GFPT1: variants seen among roughly 807,000 people sequenced by gnomAD.
GFPT1 encodes the protein glutamine--fructose-6-phosphate transaminase 1, also known as glutamine--fructose-6-phosphate aminotransferase [isomerizing] 1.
In GFPT1, 40 loss-of-function variants were observed where a neutral mutation model predicts 92.0. The ratio of observed to expected loss-of-function variants is 0.43; its 90% CI spans 0.34 to 0.57. The LOEUF is 0.57. Ranked by LOEUF, GFPT1 falls within the 20% of genes least tolerant of loss-of-function variation. The probability of loss-of-function intolerance (pLI) is 0.02; values close to 1 mark genes in which losing one functional copy is unlikely to be tolerated. For missense variants in GFPT1, 448 were observed against 869.1 expected (o/e 0.52, Z 6.09); for synonymous variants, 269 against 280.6 (o/e 0.96, Z 0.41).
rs76007542 is a variant in GFPT1, at chr2:69,339,399, G to A, written c.1204-834C>T. On this transcript the variant is annotated intron_variant, in intron 13 of 19. Coordinates refer to ENST00000357308, the MANE Select transcript of GFPT1 (RefSeq NM_001244710.2). ...TTCAACTTTTGTGGCATGGGGCAGGGGGAATGAAGTAGGGAGCAGTATGCC... is the reference window on the plus strand; with the variant it reads ...TTCAACTTTTGTGGCATGGGGCAGGAGGAATGAAGTAGGGAGCAGTATGCC... Among the ~76,000 whole-genome samples the A allele has an allele frequency of 4.9e-3, 743 of 152,240 alleles. 5 individuals carry two copies. The highest frequency in any genetic ancestry group is 0.017 in the African/African-American group (712 of 41,550).
chr2:69,377,550 C>T (rs1424649161), intron 1 of GFPT1, among the ~76,000 whole-genome samples: 2 of 151,148 alleles, frequency 1.3e-5, no homozygotes, highest in East Asian at 1.9e-4. Context: ...GTCTCAGCTA[C>T]TCGGGAGGCT....
At chr2:69,355,393 GT>G (rs397819110) in intron 7 of GFPT1, among the ~76,000 whole-genome samples, 7 of 119,836 alleles carry the variant, frequency 5.8e-5, no homozygotes, top group Non-Finnish European at 1.0e-4. Flanking sequence ...CAGGTTTTTG[GT>G]TTTTTTTTAA....
chr2:69,331,923 G>A (rs1293528333), intron 15 of GFPT1, among the ~76,000 whole-genome samples: 4 of 151,788 alleles, frequency 2.6e-5, no homozygotes, highest in Non-Finnish European at 2.9e-5. Flanking sequence ...TTTTCTCATC[G>A]TGGACTGACC....
chr2:69,342,270 C>T (rs1670971007), intron 12 of GFPT1, 21 bp from the exon 13 acceptor site: 4 of 1,446,828 alleles, frequency 2.8e-6, no homozygotes, highest in Non-Finnish European at 3.9e-6. Flanking sequence ...AGTTTGTGTA[C>T]ATAATTATTT....
intron 10 of GFPT1, among the ~76,000 whole-genome samples, chr2:69,349,720 A>G (rs557659078): frequency 4.6e-5 from 7 of 152,324 alleles, no homozygotes; most frequent in Non-Finnish European, 8.8e-5. Flanking sequence ...TTTAGCAACT[A>G]TGCTATAACT....
At chr2:69,341,998 G>A (rs1450133634) in intron 13 of GFPT1, among the ~76,000 whole-genome samples, 154 bp downstream of exon 13, 1 of 152,068 alleles carries the variant, frequency 6.6e-6, no homozygotes, top group Non-Finnish European at 1.5e-5. Context: ...CAAGCAGCTG[G>A]TAAATTTCTC....
Position 69,354,576 on chromosome 2 carries a change from T to A in GFPT1, c.606-8A>T. On this transcript the variant is annotated splice_region_variant and splice_polypyrimidine_tract_variant and intron_variant, in intron 7 of 19. Transcript: ENST00000357308. Reference sequence around the variant, plus strand: ...AACAGAGGGCTACCTCGCCTGTAAATTGCAAAAGCAGTTAGAATTAAACCA... The same window carrying A: ...AACAGAGGGCTACCTCGCCTGTAAAATGCAAAAGCAGTTAGAATTAAACCA... 6.3e-7 allele frequency: 1 copy of A among 1,582,044 alleles called. No homozygotes were observed. Among genetic ancestry groups the A allele is most frequent in the Non-Finnish European group, 8.7e-7 (1 of 1,150,794 alleles).
intron 9 of GFPT1, among the ~76,000 whole-genome samples, chr2:69,351,209 C>T (rs1045014508): frequency 8.5e-5 from 13 of 152,128 alleles, no homozygotes; most frequent in Admixed American, 6.6e-4. Flanking sequence ...AGCTAATATC[C>T]TTTTAATTCT....
Position 69,354,474 on chromosome 2 carries a change from T to A in GFPT1, c.685+15A>T. The A allele has an allele frequency of 6.7e-7, 1 of 1,500,296 alleles. No homozygotes were observed. Among genetic ancestry groups the A allele is most frequent in the South Asian group, 1.1e-5 (1 of 88,568 alleles). The allele number at this position is 1,500,296 out of a possible 1,614,324, so 92.9% of individuals were successfully genotyped here. A position where few individuals can be genotyped will look rare whatever the true frequency, so the allele number is the denominator to read the frequency against. Reference sequence around the variant, plus strand: ...CTTCATATCTACTGCACTGCATTTGTAGAGGTAATTTTACCTGTTCTGTAG... The same window carrying A: ...CTTCATATCTACTGCACTGCATTTGAAGAGGTAATTTTACCTGTTCTGTAG... On this transcript the variant is annotated intron_variant, in intron 8 of 19. Coordinates refer to ENST00000357308, the MANE Select transcript of GFPT1 (RefSeq NM_001244710.2).
Position 69,325,743 on chromosome 2 carries a change from C to G in GFPT1, c.*446G>C, listed in dbSNP as rs1670512309. 3 of 152,898 alleles carry G rather than the reference C, an allele frequency of 2.0e-5. No homozygotes were observed. Among genetic ancestry groups the G allele is most frequent in the African/African-American group, 7.2e-5 (3 of 41,450 alleles). 9.5% of individuals were successfully genotyped at this position (152,898 alleles called of 1,614,324 possible). A position where few individuals can be genotyped will look rare whatever the true frequency, so the allele number is the denominator to read the frequency against. ...AATCACATCTTCTCTTAAAACTTGGCAAACCCTTCCCTAACTGTCCAAGTA... is the reference window on the plus strand; with the variant it reads ...AATCACATCTTCTCTTAAAACTTGGGAAACCCTTCCCTAACTGTCCAAGTA... On this transcript the variant is annotated 3_prime_UTR_variant, in exon 20 of 20. Transcript: ENST00000357308.
At chr2:69,357,942 T>C (rs547163275) in intron 6 of GFPT1, among the ~76,000 whole-genome samples, 77 of 152,296 alleles carry the variant, frequency 5.1e-4, no homozygotes, top group Middle Eastern at 6.8e-3. Flanking sequence ...GAAGCTACTA[T>C]TGTGCTAAGT....
intron 9 of GFPT1, among the ~76,000 whole-genome samples, chr2:69,350,866 T>C (rs1671188357): frequency 6.6e-6 from 1 of 150,730 alleles, no homozygotes; most frequent in South Asian, 2.1e-4. Context: ...TCACACGCCA[T>C]TGTACTCCAG....
At chr2:69,379,701 A>AATTT (rs948980666) in intron 1 of GFPT1, among the ~76,000 whole-genome samples, 2 of 151,172 alleles carry the variant, frequency 1.3e-5, no homozygotes, top group African/African-American at 2.4e-5. Context: ...ATGTGCCTGT[A>AATTT]ATTTATTTAT....
intron 16 of GFPT1, 99 bp downstream of exon 16, chr2:69,329,585 G>A: frequency 1.0e-6 from 1 of 983,376 alleles, no homozygotes; most frequent in Non-Finnish European, 1.6e-6. Context: ...AGATCTTATT[G>A]ACTAAATAGC....
chr2:69,332,313 C>CTTTT (rs1257559725), intron 15 of GFPT1, among the ~76,000 whole-genome samples: 2 of 134,406 alleles, frequency 1.5e-5, no homozygotes, highest in Non-Finnish European at 1.6e-5. Flanking sequence ...CTTTTCTTTT[C>CTTTT]TTTTTTTTTT....
intron 11 of GFPT1, 111 bp from the exon 12 acceptor site, chr2:69,346,110 G>T (rs1356398329): frequency 2.8e-6 from 2 of 713,212 alleles, no homozygotes; most frequent in Admixed American, 4.3e-5. Flanking sequence ...TATAACAAAA[G>T]TTCATGCAAT....
rs1670467063 is a variant in GFPT1 at position 69,323,695 on chromosome 2, TTGA to T, written c.*2491_*2493del. On this transcript the variant is annotated 3_prime_UTR_variant, in exon 20 of 20. Transcript: ENST00000357308. Reference sequence around the variant, plus strand: ...AAAAAAAAATTTTTTTTTTTTTTTTTTGAGAGAGTCTTGCTCTGTCGCCAGGCT... The same window carrying T: ...AAAAAAAAATTTTTTTTTTTTTTTTTGAGAGTCTTGCTCTGTCGCCAGGCT... 2 of 151,266 alleles carry T rather than the reference TTGA, an allele frequency of 1.3e-5. No homozygotes were observed. Among genetic ancestry groups the T allele is most frequent in the African/African-American group, 4.9e-5 (2 of 41,232 alleles). The allele number at this position is 151,266 out of a possible 1,614,324, so 9.4% of individuals were successfully genotyped here. A position where few individuals can be genotyped will look rare whatever the true frequency, so the allele number is the denominator to read the frequency against.
intron 9 of GFPT1, among the ~76,000 whole-genome samples, chr2:69,353,206 G>A (rs556462872): frequency 1.3e-5 from 2 of 152,182 alleles, no homozygotes; most frequent in African/African-American, 4.8e-5. Flanking sequence ...GAACAGCCTG[G>A]GCAATATAGC....
At chr2:69,333,908 AG>A (rs1322404425) in intron 15 of GFPT1, among the ~76,000 whole-genome samples, 1 of 152,230 alleles carries the variant, frequency 6.6e-6, no homozygotes. Flanking sequence ...CTGTAATCCC[AG>A]CACTTTGGGA....
Sources: allele counts gnomAD v4.1 joint callset (sites outside exome capture counted in the v4.1 genomes callset), GRCh38; gene constraint gnomAD v4.1.1; transcripts MANE v1.5; gene names NCBI Gene and HGNC (gene_info 2026-07-23, HGNC 2026-07-21).